ADA2: variants seen among roughly 807,000 people sequenced by gnomAD.
The protein encoded by ADA2 is adenosine deaminase CECR1.
A neutral mutation model predicts 44.2 loss-of-function variants in ADA2; 29 were observed. The observed-to-expected ratio is 0.66, with a 90% confidence interval of 0.49 to 0.89. The LOEUF (loss-of-function observed/expected upper bound fraction) is 0.89. ADA2 is among the 40% of genes least tolerant of loss of function. The probability of loss-of-function intolerance (pLI) is 0.00; values close to 1 mark genes in which losing one functional copy is unlikely to be tolerated. For synonymous variants in ADA2, 215 were observed against 234.9 expected (o/e 0.92, Z 0.77); for missense variants, 637 against 644.8 (o/e 0.99, Z 0.13).
At position 17,218,651 on chromosome 22, in the gene ADA2, C is replaced by T. The variant is rs553709046; in HGVS notation, c.-47+705G>A. ...TCCTCTCCAAGAAGGACCCCAAAAGCATTTGTGTCCCAGCAACTGTGAACT... is the reference window on the plus strand; with the variant it reads ...TCCTCTCCAAGAAGGACCCCAAAAGTATTTGTGTCCCAGCAACTGTGAACT... On this transcript the variant is annotated intron_variant, in intron 1 of 9. Coordinates refer to ENST00000399837, the MANE Select transcript of ADA2 (RefSeq NM_001282225.2). Among the ~76,000 whole-genome samples, 15 of 152,296 alleles carry T rather than the reference C, an allele frequency of 9.8e-5. No homozygotes were observed. The South Asian group carries it at 3.1e-3, about 32-fold the overall frequency.
In ADA2 at chr22:17,183,428, G is replaced by A. The variant is rs1467435658; in HGVS notation, c.1082-667C>T. ...CTTCGTCTCTCTGACCCCACAGTCC[G>A]CTTTCCTTCTTCCTCTTTTGTGGCA... On this transcript the variant is annotated intron_variant, in intron 7 of 9. Transcript: ENST00000399837. Among the ~76,000 whole-genome samples the A allele has an allele frequency of 2.8e-4, 41 of 146,276 alleles. 1 individual carries two copies. The highest frequency in any genetic ancestry group is 4.0e-3 in the Middle Eastern group (1 of 248).
At chr22:17,203,029 C>T (rs1483191092) in intron 4 of ADA2, among the ~76,000 whole-genome samples, 1 of 152,138 alleles carries the variant, frequency 6.6e-6, no homozygotes, top group Non-Finnish European at 1.5e-5. Flanking sequence ...CTGCCTCGGC[C>T]TCCCAAAGTG....
chr22:17,186,043 A>G (rs953700701), intron 7 of ADA2, among the ~76,000 whole-genome samples: 1 of 152,194 alleles, frequency 6.6e-6, no homozygotes, highest in Non-Finnish European at 1.5e-5. Context: ...GTTCTGGGAA[A>G]GAAAGATGTG....
At chr22:17,212,785 T>C (rs2062431575) in intron 1 of ADA2, among the ~76,000 whole-genome samples, 1 of 151,586 alleles carries the variant, frequency 6.6e-6, no homozygotes, top group Non-Finnish European at 1.5e-5. Flanking sequence ...TTCTTTCTTT[T>C]TTTTTTTTCC....
At chr22:17,209,862 C>T (rs879287286) in intron 1 of ADA2, 139 bp from the exon 2 acceptor site, 53 of 587,978 alleles carry the variant, frequency 9.0e-5, no homozygotes, top group Non-Finnish European at 1.4e-4. Flanking sequence ...AAAAGACCTA[C>T]AGGTACAGAC....
upstream of ADA2, among the ~76,000 whole-genome samples, chr22:17,219,927 C>T (rs1342619390): frequency 4.6e-5 from 7 of 152,054 alleles, no homozygotes; most frequent in Admixed American, 1.3e-4. Context: ...CCGCCCACCT[C>T]GGCCTCCCAA....
At chr22:17,199,549 C>G (rs544476565) in intron 4 of ADA2, 1 of 1,606,160 alleles carries the variant, frequency 6.2e-7, no homozygotes, top group Non-Finnish European at 8.5e-7. Flanking sequence ...TCTCCCCTAC[C>G]AGAGCCCAGT....
intron 3 of ADA2, among the ~76,000 whole-genome samples, chr22:17,206,389 AG>A (rs2062353727): frequency 1.3e-5 from 2 of 151,856 alleles, no homozygotes; most frequent in Non-Finnish European, 2.9e-5. Flanking sequence ...CCCGGGAGGC[AG>A]AGGCTGCTGT....
chr22:17,203,443 G>A, intron 4 of ADA2, 120 bp downstream of exon 4: 1 of 759,106 alleles, frequency 1.3e-6, no homozygotes, highest in African/African-American at 1.7e-5. Flanking sequence ...AAAGGCACAT[G>A]ATCCCTTGCA....
At chr22:17,185,847 C>T (rs573986019) in intron 7 of ADA2, among the ~76,000 whole-genome samples, 4 of 152,316 alleles carry the variant, frequency 2.6e-5, no homozygotes, top group East Asian at 3.9e-4. Context: ...TTTGGTCTTC[C>T]GAGGGTGACA....
intron 4 of ADA2, 58 bp from the exon 5 acceptor site, chr22:17,191,868 T>G (rs2062119600): frequency 3.3e-6 from 5 of 1,530,986 alleles, no homozygotes; most frequent in Admixed American, 1.8e-5. Flanking sequence ...GCCACCCCCT[T>G]CCCAGCCACC....
chr22:17,191,832 G>C (rs1457990623), intron 4 of ADA2, 22 bp from the exon 5 acceptor site: 1 of 1,604,220 alleles, frequency 6.2e-7, no homozygotes, highest in Admixed American at 1.7e-5. Flanking sequence ...GCACAACCAG[G>C]AGCCGTCAGG....
chr22:17,208,822 A>T (rs75807184), intron 2 of ADA2, among the ~76,000 whole-genome samples: 1 of 130,402 alleles, frequency 7.7e-6, no homozygotes, highest in African/African-American at 2.9e-5. Context: ...TTTTTTTAAT[A>T]AAAAAAAAAA....
intron 6 of ADA2, 97 bp downstream of exon 6, chr22:17,189,845 C>A: frequency 1.2e-6 from 1 of 832,130 alleles, no homozygotes; most frequent in Non-Finnish European, 2.0e-6. Context: ...CCAACAGGCA[C>A]ATTGCGCTCC....
intron 1 of ADA2, among the ~76,000 whole-genome samples, chr22:17,218,178 G>A (rs2062491090): frequency 6.6e-6 from 1 of 152,074 alleles, no homozygotes; most frequent in South Asian, 2.1e-4. Context: ...AACTATTATT[G>A]TTTTTGTTGA....
In ADA2 at chr22:17,209,693, AG is replaced by A. The variant is rs779590811; in HGVS notation, c.-17del. ...CCACCAACATCGGGATGCCTGGACT[AG>A]GAAAGGGCTCAGATGGAGACTCCAC... On this transcript the variant is annotated 5_prime_UTR_variant, in exon 2 of 10. Coordinates refer to ENST00000399837, the MANE Select transcript of ADA2 (RefSeq NM_001282225.2). 3.5e-5 allele frequency: 57 copies of A among 1,605,830 alleles called. 2 individuals are homozygous for A. The South Asian group carries it at 6.3e-4, about 18-fold the overall frequency.
At position 17,182,595 on chromosome 22, in the gene ADA2, C is replaced by T. The variant is rs752313204; in HGVS notation, c.1239+9G>A. On this transcript the variant is annotated intron_variant, in intron 8 of 9. Coordinates refer to ENST00000399837, the MANE Select transcript of ADA2 (RefSeq NM_001282225.2). ...ATCATATGGGATTAGCCACATGGGT[C>T]ACACATACCTGGTTAGAGATGGGAC... 56 of 1,613,802 alleles carry T rather than the reference C, an allele frequency of 3.5e-5. No homozygotes were observed. Among genetic ancestry groups the T allele is most frequent in the Middle Eastern group, 1.6e-4 (1 of 6,084 alleles).
chr22:17,204,306 A>G (rs980129047), intron 3 of ADA2, among the ~76,000 whole-genome samples: 10 of 152,122 alleles, frequency 6.6e-5, no homozygotes, highest in Non-Finnish European at 1.3e-4. Flanking sequence ...CTCTACCCTA[A>G]TAAGATGGGT....
chr22:17,192,355 TAGAA>T (rs2062128548), intron 4 of ADA2, among the ~76,000 whole-genome samples: 1 of 151,992 alleles, frequency 6.6e-6, no homozygotes, highest in Middle Eastern at 3.2e-3. Flanking sequence ...GGATGAAAGC[TAGAA>T]AGAGTGATCT....
Sources: gnomAD v4.1 joint callset for allele counts (sites outside exome capture counted in the v4.1 genomes callset) on GRCh38, gnomAD v4.1.1 for gene constraint, MANE v1.5 for transcripts, NCBI Gene and HGNC (gene_info 2026-07-23, HGNC 2026-07-21) for gene names.